Variants in PTPRT observed in about 807,000 individuals in gnomAD.
PTPRT encodes protein tyrosine phosphatase receptor type T.
PTPRT carries 56 observed loss-of-function variants against 176.8 expected under a neutral mutation model. The ratio of observed to expected loss-of-function variants is 0.32; its 90% CI spans 0.26 to 0.40. The LOEUF (loss-of-function observed/expected upper bound fraction) is 0.40, where lower values mean the gene tolerates loss of function less well. PTPRT is among the 10% of genes least tolerant of loss of function. The probability of loss-of-function intolerance (pLI) is 1.00; values close to 1 mark genes in which losing one functional copy is unlikely to be tolerated. For synonymous variants in PTPRT, 783 were observed against 739.0 expected, an observed-to-expected ratio of 1.06 and a Z score of -0.96; for missense variants, 1,540 against 1,908.2, an observed-to-expected ratio of 0.81 and a Z score of 3.60.
intron 5 of PTPRT, 149 bp from the exon 6 acceptor site, chr20:42,756,785 C>T (rs2076839851): frequency 1.5e-6 from 1 of 678,080 alleles, no homozygotes; most frequent in Non-Finnish European, 2.3e-6. Context: ...CACAGTGGCT[C>T]ATGCCTGTAA....
chr20:42,917,443 G>A (rs915424609), intron 1 of PTPRT, among the ~76,000 whole-genome samples: 24 of 152,054 alleles, frequency 1.6e-4, no homozygotes, highest in Admixed American at 1.3e-4. Context: ...TTGGCGATGC[G>A]GGCTCTTTTT....
chr20:42,438,450 T>C (rs150279542), intron 9 of PTPRT, among the ~76,000 whole-genome samples: 1 of 152,284 alleles, frequency 6.6e-6, no homozygotes, highest in African/African-American at 2.4e-5. Flanking sequence ...AAAACAGACA[T>C]AGCCCTGTGT....
At chr20:42,096,167 G>A (rs986936233) in intron 27 of PTPRT, among the ~76,000 whole-genome samples, 1 of 152,068 alleles carries the variant, frequency 6.6e-6, no homozygotes, top group African/African-American at 2.4e-5. Context: ...TACCTTTATT[G>A]TCTACACATT....
At chr20:43,013,536 T>G (rs931158630) in intron 1 of PTPRT, among the ~76,000 whole-genome samples, 1 of 152,106 alleles carries the variant, frequency 6.6e-6, no homozygotes, top group Non-Finnish European at 1.5e-5. Context: ...AGACAGAAAG[T>G]GGGGGGTACA....
At chr20:42,159,565 C>T (rs1989501738) in intron 17 of PTPRT, among the ~76,000 whole-genome samples, 1 of 152,022 alleles carries the variant, frequency 6.6e-6, no homozygotes, top group African/African-American at 2.4e-5. Context: ...CATTCAACCC[C>T]CTAGGAAATG....
chr20:42,839,110 A>C (rs1263744345), intron 2 of PTPRT, among the ~76,000 whole-genome samples: 1 of 152,116 alleles, frequency 6.6e-6, no homozygotes. Flanking sequence ...TGTTGGGCAG[A>C]AGAAGGGCAC....
At chr20:42,753,964 A>G (rs975765595) in intron 6 of PTPRT, among the ~76,000 whole-genome samples, 2 of 152,144 alleles carry the variant, frequency 1.3e-5, no homozygotes, top group East Asian at 1.9e-4. Flanking sequence ...TTTGCCACCA[A>G]CTTTGCCCCA....
intron 1 of PTPRT, among the ~76,000 whole-genome samples, chr20:42,987,652 C>G (rs1006227905): frequency 1.3e-5 from 2 of 152,116 alleles, no homozygotes; most frequent in African/African-American, 4.8e-5. Flanking sequence ...ACCCCTCCCC[C>G]ACAGTTTCCT....
At chr20:43,115,978 T>G (rs1219326267) in intron 1 of PTPRT, among the ~76,000 whole-genome samples, 2 of 152,252 alleles carry the variant, frequency 1.3e-5, no homozygotes, top group African/African-American at 4.8e-5. Context: ...TCCATTTTTC[T>G]GTAGGTGCCA....
intron 7 of PTPRT, among the ~76,000 whole-genome samples, chr20:42,584,194 G>T (rs558852377): frequency 6.6e-6 from 1 of 152,310 alleles, no homozygotes; most frequent in South Asian, 2.1e-4. Flanking sequence ...AAAATCATGA[G>T]ATATTAAATA....
chr20:42,742,666 A>G (rs914116307), intron 6 of PTPRT, among the ~76,000 whole-genome samples: 4 of 152,212 alleles, frequency 2.6e-5, no homozygotes, highest in African/African-American at 4.8e-5. Flanking sequence ...GTGTGCCCAG[A>G]AGGAAAAATA....
At chr20:42,085,696 G>T (rs182867009) in intron 28 of PTPRT, 32 bp downstream of exon 28, 2 of 1,612,274 alleles carry the variant, frequency 1.2e-6, no homozygotes, top group African/African-American at 2.7e-5. Flanking sequence ...GGGGAGGAGG[G>T]GCTCAGCAAG....
chr20:43,182,222 G>T (rs78699293), intron 1 of PTPRT, among the ~76,000 whole-genome samples: 14 of 152,222 alleles, frequency 9.2e-5, no homozygotes, highest in Admixed American at 3.3e-4. Context: ...GGATAAAAGG[G>T]GGAGTAAAGC....
chr20:42,754,144 C>A (rs540787876), intron 6 of PTPRT, among the ~76,000 whole-genome samples: 1 of 152,158 alleles, frequency 6.6e-6, no homozygotes, highest in African/African-American at 2.4e-5. Context: ...CCTGCAATAA[C>A]CCCTGTGTCA....
At chr20:42,481,002 T>C (rs1312422820) in intron 7 of PTPRT, among the ~76,000 whole-genome samples, 1 of 151,582 alleles carries the variant, frequency 6.6e-6, no homozygotes, top group African/African-American at 2.4e-5. Flanking sequence ...AGTACAACAA[T>C]ACTCTAAGGC....
intron 29 of PTPRT, among the ~76,000 whole-genome samples, chr20:42,083,015 G>A (rs1983495639): frequency 6.8e-6 from 1 of 147,016 alleles, no homozygotes; most frequent in Non-Finnish European, 1.5e-5. Flanking sequence ...GGCCCTCAAG[G>A]AAACCAAGTT....
intron 9 of PTPRT, among the ~76,000 whole-genome samples, chr20:42,425,950 T>G (rs932756680): frequency 6.6e-6 from 1 of 151,940 alleles, no homozygotes; most frequent in Non-Finnish European, 1.5e-5. Flanking sequence ...TGCCAGAACA[T>G]AGAGGTGGAA....
At chr20:42,468,781 C>G (rs1334979460) in intron 8 of PTPRT, among the ~76,000 whole-genome samples, 1 of 152,150 alleles carries the variant, frequency 6.6e-6, no homozygotes, top group African/African-American at 2.4e-5. Flanking sequence ...TTGGGAAAAC[C>G]TTATTGTTCA....
the PTPRT span, among the ~76,000 whole-genome samples, chr20:42,052,522 T>A: frequency 6.6e-6 from 1 of 152,216 alleles, no homozygotes; most frequent in Non-Finnish European, 1.5e-5. Flanking sequence ...CCATACCATT[T>A]TTTTTAGATC....
Sources: gnomAD v4.1 joint callset for allele counts (sites outside exome capture counted in the v4.1 genomes callset) on GRCh38, gnomAD v4.1.1 for gene constraint, MANE v1.5 for transcripts, NCBI Gene and HGNC (gene_info 2026-07-23, HGNC 2026-07-21) for gene names.